The following SCAMP1 variants were observed in gnomAD, a reference collection of about 807,000 sequenced individuals.
SCAMP1 encodes secretory carrier membrane protein 1, also known as secretory carrier-associated membrane protein 1.
A neutral mutation model predicts 41.8 loss-of-function variants in SCAMP1; 15 were observed. The observed-to-expected ratio is 0.36, with a 90% CI of 0.24 to 0.55. The LOEUF (loss-of-function observed/expected upper bound fraction) is 0.55, where lower values mean the gene tolerates loss of function less well. Among genes scored for constraint, SCAMP1 ranks in the 20% least tolerant of loss-of-function variants. SCAMP1 has a pLI of 0.86. For synonymous variants in SCAMP1, 135 were observed against 136.8 expected (o/e 0.99, Z 0.09); for missense variants, 341 against 412.6 (o/e 0.83, Z 1.50).
chr5:78,458,661 C>G lies in SCAMP1; in HGVS notation c.735-584C>G, dbSNP rs182991748. ...GTTTGGGAGGCCGAGTCAGGTGGAT[C>G]ACGAGGTCAGGAGTTCGAGACCAGT... On this transcript the variant is annotated intron_variant, in intron 7 of 8. Transcript: ENST00000621999. Among the ~76,000 whole-genome samples, 305 of 152,274 alleles carry G rather than the reference C, an allele frequency of 2.0e-3. 1 individual carries two copies. The highest frequency in any genetic ancestry group is 6.8e-3 in the Middle Eastern group (2 of 294).
chr5:78,433,346 GAAAT>G (rs1239438482), intron 6 of SCAMP1, among the ~76,000 whole-genome samples: 1 of 152,114 alleles, frequency 6.6e-6, no homozygotes, highest in Non-Finnish European at 1.5e-5. Context: ...GGTAGAGACT[GAAAT>G]AAATAGGTTT....
In SCAMP1 at chr5:78,470,491, C is replaced by A. The variant is rs144144176; in HGVS notation, c.853-5013C>A. ...GGTTCATCCGTGTTGCAGCATGTAT[C>A]AGAAATGCATTCATTTTTAAGACTG... On this transcript the variant is annotated intron_variant, in intron 8 of 8. Coordinates refer to ENST00000621999, the MANE Select transcript of SCAMP1 (RefSeq NM_004866.6). Among the ~76,000 whole-genome samples the A allele has an allele frequency of 4.4e-4, 67 of 152,272 alleles. 1 individual carries two copies. The highest frequency in any genetic ancestry group is 1.6e-3 in the African/African-American group (65 of 41,568).
intron 6 of SCAMP1, among the ~76,000 whole-genome samples, chr5:78,431,726 A>C (rs1752629969): frequency 6.6e-6 from 1 of 151,874 alleles, no homozygotes; most frequent in Admixed American, 6.6e-5. Flanking sequence ...CTCCCAGCAG[A>C]GTACTCTCAG....
chr5:78,432,581 A>T (rs900682942), intron 6 of SCAMP1, among the ~76,000 whole-genome samples: 1 of 151,954 alleles, frequency 6.6e-6, no homozygotes, highest in Admixed American at 6.6e-5. Context: ...TATAATTCTT[A>T]TCCTTATTTT....
rs372743012 is a variant in SCAMP1, at chr5:78,360,635, C to T, written c.-37C>T. 9.8e-4 allele frequency: 1,555 copies of T among 1,588,180 alleles called. 17 individuals carry two copies. In the African/African-American group the frequency reaches 0.019, roughly 19 times the overall value. On this transcript the variant is annotated 5_prime_UTR_variant, in exon 1 of 9. Coordinates refer to ENST00000621999, the MANE Select transcript of SCAMP1 (RefSeq NM_004866.6). The stretch of plus-strand genomic sequence containing the variant: ...CGGCCTCGCCTCGTCTCTCTCTCTG[C>T]GCCTGGGTCGGGTGGGTGACGCCGA...
intron 1 of SCAMP1, among the ~76,000 whole-genome samples, chr5:78,373,432 A>G (rs984055477): frequency 2.0e-5 from 3 of 152,150 alleles, no homozygotes; most frequent in Non-Finnish European, 4.4e-5. Context: ...AACTCAACCT[A>G]AAACAAGCAT....
At chr5:78,460,801 C>T (rs868332488) in intron 8 of SCAMP1, among the ~76,000 whole-genome samples, 1,411 of 66,948 alleles carry the variant, frequency 0.021, 248 homozygotes, top group African/African-American at 0.12. Context: ...TCCTTCCTTC[C>T]TTCCTCCCTT....
intron 1 of SCAMP1, among the ~76,000 whole-genome samples, chr5:78,388,243 A>G (rs1037931962): frequency 6.6e-6 from 1 of 152,186 alleles, no homozygotes; most frequent in Non-Finnish European, 1.5e-5. Flanking sequence ...GGTTATTTTC[A>G]TGAAAGCCTA....
In SCAMP1 at chr5:78,460,758, T is replaced by G. The variant is rs545922647; in HGVS notation, c.852+1396T>G. 2.2e-3 allele frequency among the ~76,000 whole-genome samples: 72 copies of G among 32,496 alleles called. 1 individual carries two copies. The highest frequency in any genetic ancestry group is 0.013 in the African/African-American group (65 of 4,844). The allele number at this position is 32,496 out of a possible 152,430, so 21.3% of individuals were successfully genotyped here. ...GTTTCTTTTCTCCTTCCTTCCTTCC[T>G]TCCTTCCTTCCTTCCTTCCTTCCTT... On this transcript the variant is annotated intron_variant, in intron 8 of 8. Coordinates refer to ENST00000621999, the MANE Select transcript of SCAMP1 (RefSeq NM_004866.6).
intron 2 of SCAMP1, among the ~76,000 whole-genome samples, chr5:78,399,928 T>C (rs559054032): frequency 1.3e-5 from 2 of 152,346 alleles, no homozygotes; most frequent in East Asian, 1.9e-4. Context: ...TTGCATTTTA[T>C]ATTTAGGCCT....
chr5:78,375,235 A>G (rs1464384991), intron 1 of SCAMP1, among the ~76,000 whole-genome samples: 2 of 152,162 alleles, frequency 1.3e-5, no homozygotes, highest in Non-Finnish European at 2.9e-5. Context: ...GAGCAGCACA[A>G]TATTTATTCT....
rs1183314921 is a variant in SCAMP1, at chr5:78,360,637, C to T, written c.-35C>T. On this transcript the variant is annotated 5_prime_UTR_variant, in exon 1 of 9. Transcript: ENST00000621999. ...GCCTCGCCTCGTCTCTCTCTCTGCG[C>T]CTGGGTCGGGTGGGTGACGCCGAGA... 1 of 1,591,802 alleles carries T rather than the reference C, an allele frequency of 6.3e-7. No homozygotes were observed. Among genetic ancestry groups the T allele is most frequent in the Non-Finnish European group, 8.5e-7 (1 of 1,169,838 alleles).
rs966553805 is a variant in SCAMP1, at chr5:78,463,270, A to C, written c.852+3908A>C. Among the ~76,000 whole-genome samples the C allele has an allele frequency of 2.6e-5, 4 of 152,200 alleles. 1 individual carries two copies. The highest frequency in any genetic ancestry group is 5.9e-5 in the Non-Finnish European group (4 of 68,028). On this transcript the variant is annotated intron_variant, in intron 8 of 8. Transcript: ENST00000621999. ...ATGGCTCCTCTGCTAAGACTTTGCAATGATGTTCTAATTCTCTTGACTCTC... is the reference window on the plus strand; with the variant it reads ...ATGGCTCCTCTGCTAAGACTTTGCACTGATGTTCTAATTCTCTTGACTCTC...
chr5:78,360,671 G>T lies in SCAMP1; in HGVS notation c.-1G>T. On this transcript the variant is annotated 5_prime_UTR_variant, in exon 1 of 9. Transcript: ENST00000621999. Reference sequence around the variant, plus strand: ...GGTGGGTGACGCCGAGAGCCAGAGAGATGTCGGATTTCGACAGTAACCCGT... The same window carrying T: ...GGTGGGTGACGCCGAGAGCCAGAGATATGTCGGATTTCGACAGTAACCCGT... 1 of 1,609,496 alleles carries T rather than the reference G, an allele frequency of 6.2e-7. No individual in the cohort carries two copies. The highest frequency in any genetic ancestry group is 2.2e-5 in the East Asian group (1 of 44,586).
intron 8 of SCAMP1, among the ~76,000 whole-genome samples, chr5:78,463,552 A>AT (rs1753668280): frequency 6.6e-6 from 1 of 152,258 alleles, no homozygotes; most frequent in African/African-American, 2.4e-5. Context: ...GTAATGCCTC[A>AT]TAAACTCTTC....
chr5:78,390,199 G>C (rs1443445599), intron 2 of SCAMP1, among the ~76,000 whole-genome samples: 1 of 152,064 alleles, frequency 6.6e-6, no homozygotes, highest in Non-Finnish European at 1.5e-5. Context: ...GTTGGTGTTG[G>C]GGGAAAAAAC....
chr5:78,367,311 G>A (rs918320404), intron 1 of SCAMP1, among the ~76,000 whole-genome samples: 1 of 152,078 alleles, frequency 6.6e-6, no homozygotes, highest in East Asian at 1.9e-4. Context: ...ATTTGCTCAC[G>A]ATTCTGTTAA....
intron 2 of SCAMP1, among the ~76,000 whole-genome samples, chr5:78,413,697 T>C (rs1441719081): frequency 6.6e-6 from 1 of 152,156 alleles, no homozygotes; most frequent in African/African-American, 2.4e-5. Flanking sequence ...GGATTACAAG[T>C]GTGAGCCTCT....
intron 8 of SCAMP1, among the ~76,000 whole-genome samples, chr5:78,461,291 G>C (rs963663799): frequency 3.3e-5 from 5 of 152,156 alleles, no homozygotes; most frequent in Admixed American, 6.5e-5. Flanking sequence ...TTTTCTTCTA[G>C]GATTTTTGTA....
Sources: allele counts gnomAD v4.1 joint callset (sites outside exome capture counted in the v4.1 genomes callset), GRCh38; gene constraint gnomAD v4.1.1; transcripts MANE v1.5; gene names NCBI Gene and HGNC (gene_info 2026-07-23, HGNC 2026-07-21).